The following DLEC1 variants were observed in gnomAD, a reference collection of about 807,000 sequenced individuals.
DLEC1 encodes deleted in lung and esophageal cancer protein 1.
In DLEC1, 146 loss-of-function variants were observed where a neutral mutation model predicts 198.1. The ratio of observed to expected loss-of-function variants is 0.74; its 90% CI spans 0.64 to 0.85. The LOEUF is 0.85. Among genes scored for constraint, DLEC1 ranks in the 40% least tolerant of loss-of-function variants. The pLI, the probability that DLEC1 is intolerant of heterozygous loss-of-function variation, is 0.00. For synonymous variants in DLEC1, 897 were observed against 866.8 expected, an observed-to-expected ratio of 1.03 and a Z score of -0.61; for missense variants, 2,233 against 2,220.0, an observed-to-expected ratio of 1.01 and a Z score of -0.12.
intron 6 of DLEC1, among the ~76,000 whole-genome samples, chr3:38,081,679 T>C (rs866546573): frequency 3.7e-4 from 14 of 38,294 alleles, no homozygotes; most frequent in Admixed American, 1.1e-3. Context: ...GACCCCCCCA[T>C]CTCCCTCCCG....
rs116619354 is a variant in DLEC1 at position 38,115,001 on chromosome 3, C to T, written c.3804C>T (p.Ser1268=). 5,448 of 1,613,836 alleles carry T rather than the reference C, an allele frequency of 3.4e-3. 173 individuals carry two copies. The African/African-American group carries it at 0.062, about 19-fold the overall frequency. The change falls in exon 27 of 37, where the codon TCC becomes TCT. Residue 1268 remains serine (S), a synonymous_variant. Transcript: ENST00000308059. ...CCTCCAGGTTCGGCACCCAGGTCTC[C>T]GGAGGAGACACAGTTACCCGAACCC... The part of the protein sequence containing the change: ...EPAMRFGTQV[S]GGDTVTRTLR...
At chr3:38,121,278 C>T (rs1700443835) in intron 34 of DLEC1, among the ~76,000 whole-genome samples, 2 of 152,192 alleles carry the variant, frequency 1.3e-5, no homozygotes, top group African/African-American at 4.8e-5. Context: ...GGAACACAGA[C>T]AAATGGTCCA....
At chr3:38,085,180 A>T in intron 7 of DLEC1, 94 bp from the exon 8 acceptor site, 1 of 1,409,402 alleles carries the variant, frequency 7.1e-7, no homozygotes, top group South Asian at 1.2e-5. Flanking sequence ...TTACAGAGCC[A>T]GCCCTGGCAG....
Position 38,093,732 on chromosome 3 carries a change from C to G in DLEC1, c.1884C>G (p.Ser628=). 6.2e-7 allele frequency: 1 copy of G among 1,614,206 alleles called. No homozygotes were observed. The highest frequency in any genetic ancestry group is 8.5e-7 in the Non-Finnish European group (1 of 1,180,044). The change falls in exon 12 of 37, where the codon TCC becomes TCG. Residue 628 remains serine (S), a synonymous_variant. Coordinates refer to ENST00000308059, the MANE Select transcript of DLEC1 (RefSeq NM_007335.4). Reference sequence around the variant, plus strand: ...GATTTGAGCCTGAAAACCTTCGGTCCACGGCTAGGAAGCAGCTGATTATTA... The same window carrying G: ...GATTTGAGCCTGAAAACCTTCGGTCGACGGCTAGGAAGCAGCTGATTATTA... The part of the protein sequence containing the change: ...FIRFEPENLR[S]TARKQLIIRN...
intron 2 of DLEC1, chr3:38,051,784 A>G (rs1328581490): frequency 6.4e-6 from 1 of 156,746 alleles, no homozygotes; most frequent in African/African-American, 2.4e-5. Flanking sequence ...TTACAACAGA[A>G]CACTGCTCAT....
At chr3:38,082,938 G>C (rs189508020) in intron 6 of DLEC1, among the ~76,000 whole-genome samples, 1 of 152,182 alleles carries the variant, frequency 6.6e-6, no homozygotes, top group African/African-American at 2.4e-5. Flanking sequence ...CGTGACCGGC[G>C]CCGGAGTTTT....
intron 2 of DLEC1, among the ~76,000 whole-genome samples, chr3:38,053,276 C>T (rs1701223755): frequency 6.6e-6 from 1 of 152,046 alleles, no homozygotes; most frequent in Non-Finnish European, 1.5e-5. Context: ...AGGAGCCCCT[C>T]TGCCCGGCCG....
chr3:38,092,722 A>C (rs543959189), intron 10 of DLEC1, 68 bp from the exon 11 acceptor site: 20 of 1,305,226 alleles, frequency 1.5e-5, no homozygotes, highest in Non-Finnish European at 2.2e-5. Flanking sequence ...CGAGAGGAGG[A>C]GGGTGGGAGG....
At chr3:38,095,327 T>C in intron 13 of DLEC1, 1 of 518,360 alleles carries the variant, frequency 1.9e-6, no homozygotes, top group Non-Finnish European at 3.5e-6. Flanking sequence ...TCTGGGTGTC[T>C]CCCACATGTC....
At position 38,084,233 on chromosome 3, in the gene DLEC1, G is replaced by T. The variant is rs146022078; in HGVS notation, c.1249G>T (p.Ala417Ser). 88 of 1,612,240 alleles carry T rather than the reference G, an allele frequency of 5.5e-5. No homozygotes were observed. The East Asian group carries it at 1.9e-3, about 35-fold the overall frequency. The change falls in exon 7 of 37, where the codon GCT (alanine) becomes TCT (serine). Residue 417 changes from alanine (A) to serine (S), a missense_variant. Ala to Ser is a moderately conservative substitution (Grantham distance 99). Transcript: ENST00000308059. ...CCTCCCGCCTTCCACGCCATACTTC[G>T]CTCTGGGACTGGGTAAGTTCAGTAT... ...RVLPPSTPYFALGLGMFPGKG... is the reference protein window; with the variant it reads ...RVLPPSTPYFSLGLGMFPGKG...
At chr3:38,047,650 C>G (rs1280275760) in intron 2 of DLEC1, among the ~76,000 whole-genome samples, 1 of 152,080 alleles carries the variant, frequency 6.6e-6, no homozygotes, top group Non-Finnish European at 1.5e-5. Context: ...GTTCTAGAGA[C>G]TTTATGAGGT....
Position 38,117,893 on chromosome 3 carries a change from C to T in DLEC1, c.4573C>T (p.Pro1525Ser), listed in dbSNP as rs1300555082. ...CTACTTCCGGCTTATGGTCTCCAGGCCCTTCTCCGTTTCTCAAGATGGGGC... is the reference window on the plus strand; with the variant it reads ...CTACTTCCGGCTTATGGTCTCCAGGTCCTTCTCCGTTTCTCAAGATGGGGC... ...PHYFRLMVSR[P>S]FSVSQDGASQ... The change falls in exon 33 of 37, where the codon CCC (proline) becomes TCC (serine). Residue 1525 changes from proline to serine, a missense_variant. Pro to Ser is a moderately conservative substitution (Grantham distance 74). Transcript: ENST00000308059. 2 of 1,614,176 alleles carry T rather than the reference C, an allele frequency of 1.2e-6. No homozygotes were observed. Among genetic ancestry groups the T allele is most frequent in the East Asian group, 2.2e-5 (1 of 44,876 alleles).
At chr3:38,081,851 C>CT (rs1306784118) in intron 6 of DLEC1, among the ~76,000 whole-genome samples, 25 of 144,914 alleles carry the variant, frequency 1.7e-4, no homozygotes, top group African/African-American at 6.4e-4. Flanking sequence ...GGCTGACCCC[C>CT]CCACCTCCCT....
intron 2 of DLEC1, among the ~76,000 whole-genome samples, chr3:38,050,437 C>T (rs769023706): frequency 7.2e-5 from 11 of 152,104 alleles, no homozygotes; most frequent in South Asian, 2.1e-4. Context: ...CATGATTCTG[C>T]AGGCTGGAAT....
At position 38,045,615 on chromosome 3, in the gene DLEC1, C is replaced by G. The variant is rs377465375; in HGVS notation, c.484C>G (p.Arg162Gly). Residue 162 changes from arginine (R) to glycine (G), a missense_variant, in exon 2 of 37, where the codon CGG becomes GGG. Physicochemically the swap from Arg to Gly is moderately radical, Grantham distance 125. Transcript: ENST00000308059. ...GAGACATATCACTCAGGCCCAAGCA[C>G]GGGCTATTGCGGAAAATGAGCGGGT... ...LERHITQAQA[R>G]AIAENERVMS... 4 of 1,613,978 alleles carry G rather than the reference C, an allele frequency of 2.5e-6. No individual in the cohort carries two copies. The African/African-American group carries it at 5.3e-5, about 22-fold the overall frequency.
chr3:38,091,555 G>A (rs779459636), intron 10 of DLEC1, among the ~76,000 whole-genome samples: 1 of 152,114 alleles, frequency 6.6e-6, no homozygotes, highest in Non-Finnish European at 1.5e-5. Flanking sequence ...ACACAGCAAA[G>A]GAAACAAGCA....
At chr3:38,080,335 G>C (rs1010327344) in intron 6 of DLEC1, among the ~76,000 whole-genome samples, 2 of 151,738 alleles carry the variant, frequency 1.3e-5, no homozygotes, top group South Asian at 2.1e-4. Flanking sequence ...GAGGGGAGAG[G>C]TCAGATGGGT....
chr3:38,086,212 C>T, intron 8 of DLEC1, 29 bp from the exon 9 acceptor site: 1 of 1,590,884 alleles, frequency 6.3e-7, no homozygotes, highest in East Asian at 2.2e-5. Flanking sequence ...CCTGTTGTTT[C>T]TCTTGCACAT....
At chr3:38,077,341 G>A (rs577034508) in intron 6 of DLEC1, among the ~76,000 whole-genome samples, 2 of 152,354 alleles carry the variant, frequency 1.3e-5, no homozygotes, top group East Asian at 3.9e-4. Context: ...AGTTGGTCCA[G>A]TGTCTGGAAT....
Sources: allele counts gnomAD v4.1 joint callset (sites outside exome capture counted in the v4.1 genomes callset), GRCh38; gene constraint gnomAD v4.1.1; transcripts MANE v1.5; gene names NCBI Gene and HGNC (gene_info 2026-07-23, HGNC 2026-07-21).